The following SPDYE5 variants were observed in gnomAD, a reference collection of about 807,000 sequenced individuals.
The protein encoded by SPDYE5 is speedy/RINGO cell cycle regulator family member E5, also known as speedy protein E5.
SPDYE5 carries 15 observed loss-of-function variants against 48.5 expected under a neutral mutation model. That is an observed-to-expected ratio of 0.31 (90% confidence interval 0.21 to 0.48). SPDYE5 has a LOEUF of 0.48. Among genes scored for constraint, SPDYE5 ranks in the 20% least tolerant of loss-of-function variants. The pLI, the probability that SPDYE5 is intolerant of heterozygous loss-of-function variation, is 0.99. For missense variants in SPDYE5, 331 were observed against 549.1 expected (o/e 0.60, Z 3.97); for synonymous variants, 116 against 200.7 (o/e 0.58, Z 3.57).
rs182100392 is a variant in SPDYE5, at chr7:75,503,890, T to A, written c.*1103T>A. ...TGAATAGATGCTGTTTCTATAAAGC[T>A]GTGTGATGGGTGTTATAACTGTTAT... On this transcript the variant is annotated 3_prime_UTR_variant, in exon 9 of 9. Transcript: ENST00000625065. 6.6e-6 allele frequency: 1 copy of A among 151,882 alleles called. No individual in the cohort carries two copies. Among genetic ancestry groups the A allele is most frequent in the African/African-American group, 2.4e-5 (1 of 41,518 alleles). The allele number at this position is 151,882 out of a possible 1,614,324, so 9.4% of individuals were successfully genotyped here. A position where few individuals can be genotyped will look rare whatever the true frequency, so the allele number is the denominator to read the frequency against.
Position 75,504,160 on chromosome 7 carries a change from AT to A in SPDYE5, c.*1379del, listed in dbSNP as rs1793245807. On this transcript the variant is annotated 3_prime_UTR_variant, in exon 9 of 9. Transcript: ENST00000625065. Reference sequence around the variant, plus strand: ...TTTGAAATGTGAGAATTCAGGTGTAATTTTTTACCTTGTTTTGGCATGTTTG... The same window carrying A: ...TTTGAAATGTGAGAATTCAGGTGTAATTTTTACCTTGTTTTGGCATGTTTG... 1 of 151,970 alleles carries A rather than the reference AT, an allele frequency of 6.6e-6. No individual in the cohort carries two copies. Among genetic ancestry groups the A allele is most frequent in the South Asian group, 2.1e-4 (1 of 4,804 alleles). 9.4% of individuals were successfully genotyped at this position (151,970 alleles called of 1,614,324 possible).
intron 4 of SPDYE5, among the ~76,000 whole-genome samples, chr7:75,497,313 A>G (rs1385335052): frequency 1.3e-5 from 2 of 151,590 alleles, no homozygotes; most frequent in Non-Finnish European, 2.9e-5. Flanking sequence ...CATGCATGTA[A>G]TCCCAGCTAC....
chr7:75,503,868 A>T lies in SPDYE5; in HGVS notation c.*1081A>T, dbSNP rs1220460520. The T allele has an allele frequency of 1.3e-5, 2 of 151,428 alleles. No individual in the cohort carries two copies. Among genetic ancestry groups the T allele is most frequent in the Non-Finnish European group, 2.9e-5 (2 of 67,884 alleles). The allele number at this position is 151,428 out of a possible 1,614,324, so 9.4% of individuals were successfully genotyped here. On this transcript the variant is annotated 3_prime_UTR_variant, in exon 9 of 9. Transcript: ENST00000625065. ...ATTTTTGAAATACTGCTATTTTTGA[A>T]TAGATGCTGTTTCTATAAAGCTGTG...
At position 75,504,138 on chromosome 7, in the gene SPDYE5, G is replaced by C. The variant is rs1793245190; in HGVS notation, c.*1351G>C. The C allele has an allele frequency of 6.6e-6, 1 of 152,102 alleles. No individual in the cohort carries two copies. The highest frequency in any genetic ancestry group is 1.5e-5 in the Non-Finnish European group (1 of 68,032). The allele number at this position is 152,102 out of a possible 1,614,324, so 9.4% of individuals were successfully genotyped here. On this transcript the variant is annotated 3_prime_UTR_variant, in exon 9 of 9. Coordinates refer to ENST00000625065, the MANE Select transcript of SPDYE5 (RefSeq NM_001306141.4). ...TTTATTTGATATTTCATATATGTTT[G>C]AAATGTGAGAATTCAGGTGTAATTT...
intron 8 of SPDYE5, among the ~76,000 whole-genome samples, chr7:75,502,564 C>T (rs587680974): frequency 6.6e-6 from 1 of 152,156 alleles, no homozygotes; most frequent in South Asian, 2.1e-4. Flanking sequence ...GGGTGCCCTA[C>T]TCCCTGGGCA....
chr7:75,500,791 C>G (rs1353724840), intron 6 of SPDYE5, among the ~76,000 whole-genome samples: 1 of 152,186 alleles, frequency 6.6e-6, no homozygotes, highest in Non-Finnish European at 1.5e-5. Flanking sequence ...TCACTGCAAC[C>G]TCCGCCTCCT....
upstream of SPDYE5, among the ~76,000 whole-genome samples, chr7:75,492,280 CATGA>C (rs1354363211): frequency 1.3e-5 from 2 of 152,146 alleles, no homozygotes; most frequent in Non-Finnish European, 2.9e-5. Context: ...TTTAAAGCAT[CATGA>C]ATGCGAATTT....
chr7:75,494,137 G>C lies in SPDYE5; in HGVS notation c.90G>C (p.Gln30His). Residue 30 changes from glutamine to histidine, a missense_variant, in exon 2 of 9, where the codon CAG becomes CAC. By Grantham distance (24) the Gln-to-His change is conservative. This residue lies in a region of SPDYE5 where 67 missense variants were observed against 55.7 expected (regional missense o/e 1.20). Coordinates refer to ENST00000625065, the MANE Select transcript of SPDYE5 (RefSeq NM_001306141.4). ...GTCAACCGCAACCCCAGAATGAGCA[G>C]AGTCCCCAGCGGAGCACCTCGGGGT... The part of the protein sequence containing the change: ...TSRQPQPQNE[Q>H]SPQRSTSGYP... The C allele has an allele frequency of 6.5e-7, 1 of 1,535,470 alleles. No individual in the cohort carries two copies. The highest frequency in any genetic ancestry group is 1.2e-5 in the South Asian group (1 of 83,966).
chr7:75,501,733 T>G lies in SPDYE5; in HGVS notation c.1127T>G (p.Val376Gly). 3.1e-6 allele frequency: 5 copies of G among 1,610,060 alleles called. No homozygotes were observed. The highest frequency in any genetic ancestry group is 4.2e-6 in the Non-Finnish European group (5 of 1,179,864). The change falls in exon 7 of 9, where the codon GTT (valine) becomes GGT (glycine). Residue 376 changes from valine (V) to glycine (G), a missense_variant. Physicochemically the swap from Val to Gly is moderately radical, Grantham distance 109. Around this residue, in one of 8 missense-constraint regions of SPDYE5, gnomAD observed 101 missense variants for 104.0 expected, o/e 0.97. Coordinates refer to ENST00000625065, the MANE Select transcript of SPDYE5 (RefSeq NM_001306141.4). Reference protein sequence around the residue: ...FFCSMSGRAWVSPEELEEIQA... With the variant: ...FFCSMSGRAWGSPEELEEIQA... Reference sequence around the variant, plus strand: ...TGTTCCATGAGCGGCAGGGCTTGGGTTTCCCCGGAGGAGTTGGAGGAGGTA... The same window carrying G: ...TGTTCCATGAGCGGCAGGGCTTGGGGTTCCCCGGAGGAGTTGGAGGAGGTA...
Position 75,501,508 on chromosome 7 carries a change from A to G in SPDYE5, c.902A>G (p.Lys301Arg). The change falls in exon 7 of 9, where the codon AAG becomes AGG. Residue 301 changes from lysine to arginine, a missense_variant. By Grantham distance (26) the Lys-to-Arg change is conservative. Coordinates refer to ENST00000625065, the MANE Select transcript of SPDYE5 (RefSeq NM_001306141.4). ...LGRSMNPRAR[K>R]KRSRIPLLRK... is the part of the protein sequence containing the mutation. ...CGTTCCATGAACCCGAGGGCCAGGAAGAAGCGCTCTCGCATACCCTTGCTC... is the reference window on the plus strand; with the variant it reads ...CGTTCCATGAACCCGAGGGCCAGGAGGAAGCGCTCTCGCATACCCTTGCTC... The G allele has an allele frequency of 1.1e-6, 1 of 908,046 alleles. No homozygotes were observed. The highest frequency in any genetic ancestry group is 1.6e-6 in the Non-Finnish European group (1 of 613,054). 56.2% of individuals were successfully genotyped at this position (908,046 alleles called of 1,614,324 possible).
chr7:75,496,398 CAACAACAAAAAAAAA>C (rs1792930589), intron 3 of SPDYE5, among the ~76,000 whole-genome samples: 1 of 44,442 alleles, frequency 2.3e-5, no homozygotes, highest in Admixed American at 3.4e-4. Context: ...ACAACAACAA[CAACAACAAAAAAAAA>C]AAAAAAAAAA....
chr7:75,501,694 G>C lies in SPDYE5; in HGVS notation c.1088G>C (p.Arg363Pro), dbSNP rs587625794. Reference protein sequence around the residue: ...RSQIVLFQKRRFQFFCSMSGR... With the variant: ...RSQIVLFQKRPFQFFCSMSGR... ...CAGATAGTCCTGTTCCAGAAACGTCGGTTCCAGTTCTTCTGTTCCATGAGC... is the reference window on the plus strand; with the variant it reads ...CAGATAGTCCTGTTCCAGAAACGTCCGTTCCAGTTCTTCTGTTCCATGAGC... Residue 363 changes from arginine to proline, a missense_variant, in exon 7 of 9, where the codon CGG becomes CCG. Coordinates refer to ENST00000625065, the MANE Select transcript of SPDYE5 (RefSeq NM_001306141.4). 3.1e-6 allele frequency: 5 copies of C among 1,613,448 alleles called. No homozygotes were observed. The highest frequency in any genetic ancestry group is 4.2e-6 in the Non-Finnish European group (5 of 1,180,048).
At chr7:75,492,905 C>T (rs1240398195) in intron 1 of SPDYE5, among the ~76,000 whole-genome samples, 10 of 152,178 alleles carry the variant, frequency 6.6e-5, no homozygotes, top group Admixed American at 2.6e-4. Context: ...AAGTGATCTT[C>T]CTGTCACGAG....
chr7:75,499,698 T>C (rs1413569291), intron 6 of SPDYE5, among the ~76,000 whole-genome samples: 1 of 125,220 alleles, frequency 8.0e-6, no homozygotes, highest in African/African-American at 3.1e-5. Context: ...ACCCAGGAGG[T>C]GGAGGTTGCA....
intron 6 of SPDYE5, among the ~76,000 whole-genome samples, chr7:75,499,582 C>T (rs1346460338): frequency 6.6e-6 from 1 of 152,082 alleles, no homozygotes; most frequent in Non-Finnish European, 1.5e-5. Flanking sequence ...GCCTGGCCAA[C>T]ATGGCCAAAC....
rs587646395 is a variant in SPDYE5, at chr7:75,499,418, CTT to C, written c.755+104_755+105del. The C allele has an allele frequency of 1.2e-3, 788 of 644,342 alleles. 9 individuals are homozygous for C. The South Asian group carries it at 0.014, about 12-fold the overall frequency. 39.9% of individuals were successfully genotyped at this position (644,342 alleles called of 1,614,324 possible). A position where few individuals can be genotyped will look rare whatever the true frequency, so the allele number is the denominator to read the frequency against. On this transcript the variant is annotated intron_variant, in intron 6 of 8. Coordinates refer to ENST00000625065, the MANE Select transcript of SPDYE5 (RefSeq NM_001306141.4). ...ATTTATTCTTTCACCTATTTGTCCT[CTT>C]TACTCTGTGTACAAAAAAGAGAGGA...
Position 75,496,684 on chromosome 7 carries a change from A to G in SPDYE5, c.390A>G (p.Val130=), listed in dbSNP as rs1792945292. Residue 130 remains valine, a synonymous_variant, in exon 4 of 9, where the codon GTA becomes GTG. Coordinates refer to ENST00000625065, the MANE Select transcript of SPDYE5 (RefSeq NM_001306141.4). Reference sequence around the variant, plus strand: ...GGTTTCTTTACTCAGCCCCTGGGGTAGATCCCAGCCCCCCGCATAGGTCCT... The same window carrying G: ...GGTTTCTTTACTCAGCCCCTGGGGTGGATCCCAGCCCCCCGCATAGGTCCT... ...KGFNSQLAPG[V]DPSPPHRSFC... 6.3e-7 allele frequency: 1 copy of G among 1,597,300 alleles called. No homozygotes were observed. Among genetic ancestry groups the G allele is most frequent in the African/African-American group, 1.3e-5 (1 of 74,772 alleles).
intron 3 of SPDYE5, 68 bp from the exon 4 acceptor site, chr7:75,496,606 G>A: frequency 1.9e-6 from 3 of 1,596,752 alleles, no homozygotes; most frequent in East Asian, 2.2e-5. Context: ...GTGGTTTGGG[G>A]TTTTGGGTTG....
upstream of SPDYE5, among the ~76,000 whole-genome samples, chr7:75,492,050 G>C (rs587605357): frequency 1.3e-5 from 2 of 152,028 alleles, 1 homozygote; most frequent in Admixed American, 1.3e-4. Context: ...CATCATTTAC[G>C]ATGGGCATGG....
Sources: gnomAD v4.1 joint callset for allele counts (sites outside exome capture counted in the v4.1 genomes callset) on GRCh38, gnomAD v4.1.1 for gene constraint, gnomAD v4.1.1 regional missense constraint, MANE v1.5 for transcripts, NCBI Gene and HGNC (gene_info 2026-07-23, HGNC 2026-07-21) for gene names.